PLD1: variants seen among roughly 807,000 people sequenced by gnomAD.
PLD1 encodes the protein choline phosphatase 1.
In PLD1, 112 loss-of-function variants were observed where a neutral mutation model predicts 137.1. The ratio of observed to expected loss-of-function variants is 0.82; its 90% CI spans 0.70 to 0.96. The LOEUF is 0.96. Among genes scored for constraint, PLD1 ranks in the 40% least tolerant of loss-of-function variants. The pLI, the probability that PLD1 is intolerant of heterozygous loss-of-function variation, is 0.00. For synonymous variants in PLD1, 431 were observed against 454.7 expected (o/e 0.95, Z 0.66); for missense variants, 1,321 against 1,342.0 (o/e 0.98, Z 0.24).
At chr3:171,609,507 AACAC>A (rs371080467) in intron 25 of PLD1, among the ~76,000 whole-genome samples, 27,649 of 136,686 alleles carry the variant, frequency 0.2, 2,795 homozygotes, top group Non-Finnish European at 0.23. Context: ...ACATAAAGAA[AACAC>A]ACACACACAC....
chr3:171,672,816 C>T (rs1051594831), intron 19 of PLD1, among the ~76,000 whole-genome samples: 23 of 152,092 alleles, frequency 1.5e-4, no homozygotes, highest in Admixed American at 6.5e-4. Context: ...ATCAGTGATG[C>T]GGAAAAAGCG....
intron 1 of PLD1, among the ~76,000 whole-genome samples, chr3:171,757,261 C>T (rs1344520848): frequency 1.3e-5 from 2 of 152,078 alleles, no homozygotes; most frequent in African/African-American, 4.8e-5. Flanking sequence ...GAACTATTAT[C>T]GTCTTTAAAA....
At chr3:171,725,775 G>A (rs1257008242) in intron 7 of PLD1, among the ~76,000 whole-genome samples, 2 of 152,224 alleles carry the variant, frequency 1.3e-5, no homozygotes, top group African/African-American at 2.4e-5. Flanking sequence ...CACTTCCACT[G>A]TTGGGTTAGA....
chr3:171,643,905 A>C (rs1424143691), intron 22 of PLD1, among the ~76,000 whole-genome samples: 1 of 152,054 alleles, frequency 6.6e-6, no homozygotes, highest in Non-Finnish European at 1.5e-5. Context: ...CTGGCAGATA[A>C]ACAGATACAA....
chr3:171,608,876 GA>G (rs1475068389), intron 25 of PLD1, among the ~76,000 whole-genome samples: 1 of 151,280 alleles, frequency 6.6e-6, no homozygotes, highest in South Asian at 2.1e-4. Flanking sequence ...GGCAGGTGGG[GA>G]AAAAAAAGAA....
chr3:171,623,471 C>T (rs557803671), intron 23 of PLD1, among the ~76,000 whole-genome samples: 17 of 110,398 alleles, frequency 1.5e-4, no homozygotes, highest in East Asian at 8.5e-4. Context: ...CCCACCACCA[C>T]GCCTTGCTAA....
At chr3:171,686,333 A>G (rs2290479) in intron 16 of PLD1, among the ~76,000 whole-genome samples, 26,866 of 151,922 alleles carry the variant, frequency 0.18, 2,494 homozygotes, top group South Asian at 0.24. Context: ...ACCTACCCCA[A>G]TTAAATTACT....
At chr3:171,782,346 T>C (rs1195283346) in intron 1 of PLD1, among the ~76,000 whole-genome samples, 6 of 152,168 alleles carry the variant, frequency 3.9e-5, no homozygotes, top group African/African-American at 1.4e-4. Context: ...GGTACATGCA[T>C]TTTTCAGAAC....
chr3:171,645,806 C>A (rs1736151574), intron 21 of PLD1, among the ~76,000 whole-genome samples: 1 of 150,366 alleles, frequency 6.7e-6, no homozygotes, highest in Non-Finnish European at 1.5e-5. Context: ...ATGGCGTGAA[C>A]CCGGGTGGCG....
chr3:171,737,482 T>A, intron 3 of PLD1, 50 bp downstream of exon 3: 1 of 1,532,890 alleles, frequency 6.5e-7, no homozygotes, highest in African/African-American at 1.4e-5. Flanking sequence ...TATGTACTAA[T>A]TCACATATAT....
At chr3:171,630,019 T>G (rs970180763) in intron 23 of PLD1, among the ~76,000 whole-genome samples, 50 of 152,246 alleles carry the variant, frequency 3.3e-4, no homozygotes, top group African/African-American at 1.2e-3. Flanking sequence ...AAATTGGATC[T>G]AATTAAACTA....
intron 9 of PLD1, among the ~76,000 whole-genome samples, chr3:171,710,199 T>G (rs1413474928): frequency 2.6e-5 from 4 of 152,160 alleles, no homozygotes; most frequent in Non-Finnish European, 5.9e-5. Context: ...TAGCTGGGAC[T>G]ACAGGCACCC....
chr3:171,651,026 C>G (rs1736712242), intron 21 of PLD1, among the ~76,000 whole-genome samples: 1 of 152,112 alleles, frequency 6.6e-6, no homozygotes. Flanking sequence ...CTTTCCTTTT[C>G]TTGTTTTTCT....
At chr3:171,697,610 C>T (rs1224541710) in intron 12 of PLD1, among the ~76,000 whole-genome samples, 3 of 152,156 alleles carry the variant, frequency 2.0e-5, no homozygotes, top group South Asian at 2.1e-4. Context: ...GCTATGCTAA[C>T]ACTCAGATGT....
At position 171,735,067 on chromosome 3, in the gene PLD1, T is replaced by A. The variant is rs1244322144; in HGVS notation, c.435-97A>T. On this transcript the variant is annotated intron_variant, in intron 4 of 26. Coordinates refer to ENST00000351298, the MANE Select transcript of PLD1 (RefSeq NM_002662.5). Reference sequence around the variant, plus strand: ...ATGAGACGGCATATTTTTAAGAGACTATTTAATTGAAAATATCTACCAACA... The same window carrying A: ...ATGAGACGGCATATTTTTAAGAGACAATTTAATTGAAAATATCTACCAACA... 7.1e-6 allele frequency: 5 copies of A among 702,038 alleles called. No individual in the cohort carries two copies. In the East Asian group the frequency reaches 1.3e-4, roughly 18 times the overall value. 43.5% of individuals were successfully genotyped at this position (702,038 alleles called of 1,614,324 possible). A position where few individuals can be genotyped will look rare whatever the true frequency, so the allele number is the denominator to read the frequency against.
At chr3:171,747,428 A>G (rs893981623) in intron 1 of PLD1, among the ~76,000 whole-genome samples, 4 of 151,156 alleles carry the variant, frequency 2.6e-5, no homozygotes, top group Admixed American at 1.3e-4. Flanking sequence ...CAGCCAGGAA[A>G]TGACTGCTTT....
intron 25 of PLD1, among the ~76,000 whole-genome samples, chr3:171,608,743 T>C (rs1732411452): frequency 6.6e-6 from 1 of 152,182 alleles, no homozygotes; most frequent in Admixed American, 6.6e-5. Flanking sequence ...CCGACCTCAC[T>C]TCTTACACTA....
Position 171,714,041 on chromosome 3 carries a change from AC to A in PLD1, c.762del (p.Trp254CysfsTer2). On this transcript the variant is annotated frameshift_variant, in exon 9 of 27. Coordinates refer to ENST00000351298, the MANE Select transcript of PLD1 (RefSeq NM_002662.5). LOFTEE classifies it high-confidence loss of function. Reference sequence around the variant, plus strand: ...AATAAAAAGGAATCTTTCACTATTAACCATCTGTAAGAAGGTAGTAAGTATT... The same window carrying A: ...AATAAAAAGGAATCTTTCACTATTAACATCTGTAAGAAGGTAGTAAGTATT... Reference protein sequence around the residue: ...GRACYRWSKRWLIVKDSFLLY... With the variant: ...GRACYRWSKRXLIVKDSFLLY... 1.3e-6 allele frequency: 2 copies of A among 1,591,708 alleles called. No individual in the cohort carries two copies. Among genetic ancestry groups the A allele is most frequent in the Non-Finnish European group, 1.7e-6 (2 of 1,160,794 alleles).
chr3:171,631,464 T>C (rs1476197643), intron 23 of PLD1, among the ~76,000 whole-genome samples: 1 of 152,210 alleles, frequency 6.6e-6, no homozygotes, highest in Admixed American at 6.5e-5. Flanking sequence ...TTTGTGTGTG[T>C]GTACAAAGGC....
Sources: gnomAD v4.1 joint callset for allele counts (sites outside exome capture counted in the v4.1 genomes callset) on GRCh38, gnomAD v4.1.1 for gene constraint, MANE v1.5 for transcripts, NCBI Gene and HGNC (gene_info 2026-07-23, HGNC 2026-07-21) for gene names.